The following AGBL4 variants were observed in gnomAD, a reference collection of about 807,000 sequenced individuals.
AGBL4 encodes cytosolic carboxypeptidase 6.
In AGBL4, 58 loss-of-function variants were observed where a neutral mutation model predicts 66.4. The ratio of observed to expected loss-of-function variants is 0.87; its 90% CI spans 0.71 to 1.09. The LOEUF (loss-of-function observed/expected upper bound fraction) is 1.09, where lower values mean the gene tolerates loss of function less well. Ranked by LOEUF, AGBL4 falls within the 50% of genes least tolerant of loss-of-function variation. The pLI is 0.00. For synonymous variants in AGBL4, 234 were observed against 222.9 expected, an observed-to-expected ratio of 1.05 and a Z score of -0.44; for missense variants, 579 against 631.0, an observed-to-expected ratio of 0.92 and a Z score of 0.88.
chr1:49,435,158 G>A (rs1645875214), intron 3 of AGBL4, among the ~76,000 whole-genome samples: 1 of 152,090 alleles, frequency 6.6e-6, no homozygotes, highest in Admixed American at 6.6e-5. Context: ...ATTTATTTGA[G>A]CATTCATTTA....
chr1:49,890,958 C>T (rs894934383), intron 1 of AGBL4, among the ~76,000 whole-genome samples: 1 of 152,052 alleles, frequency 6.6e-6, no homozygotes, highest in East Asian at 1.9e-4. Flanking sequence ...ATATAAATGA[C>T]AGGTAGTAAA....
At chr1:48,836,800 A>G (rs552816679) in intron 6 of AGBL4, among the ~76,000 whole-genome samples, 54 of 152,176 alleles carry the variant, frequency 3.5e-4, no homozygotes, top group African/African-American at 1.3e-3. Context: ...GGAGATAAGG[A>G]AATAAATGTC....
chr1:49,591,149 A>G (rs1464775890), intron 3 of AGBL4, among the ~76,000 whole-genome samples: 1 of 152,108 alleles, frequency 6.6e-6, no homozygotes, highest in Non-Finnish European at 1.5e-5. Context: ...AAGGTAAACA[A>G]TTGAGATTAG....
At chr1:50,011,640 A>G (rs1488769433) in intron 1 of AGBL4, among the ~76,000 whole-genome samples, 3 of 152,228 alleles carry the variant, frequency 2.0e-5, no homozygotes, top group Non-Finnish European at 4.4e-5. Flanking sequence ...CAAAGTGTCC[A>G]ACAACAGATG....
At chr1:49,563,448 T>A (rs1280173721) in intron 3 of AGBL4, among the ~76,000 whole-genome samples, 1 of 152,146 alleles carries the variant, frequency 6.6e-6, no homozygotes, top group East Asian at 1.9e-4. Context: ...TGTGGGTTTG[T>A]CACAGATAGC....
At chr1:49,643,683 A>G (rs1404767540) in intron 3 of AGBL4, among the ~76,000 whole-genome samples, 1 of 151,670 alleles carries the variant, frequency 6.6e-6, no homozygotes, top group Non-Finnish European at 1.5e-5. Context: ...CAGTATCTTT[A>G]AAATACTGAA....
At chr1:49,936,211 G>T (rs1653993050) in intron 1 of AGBL4, among the ~76,000 whole-genome samples, 1 of 152,200 alleles carries the variant, frequency 6.6e-6, no homozygotes, top group African/African-American at 2.4e-5. Flanking sequence ...AGGAGCCGAT[G>T]CGATCAACTG....
intron 5 of AGBL4, among the ~76,000 whole-genome samples, chr1:48,900,218 G>A (rs1352520315): frequency 6.6e-6 from 1 of 151,860 alleles, no homozygotes; most frequent in African/African-American, 2.4e-5. Flanking sequence ...AGGAGAGAAG[G>A]GTGCAGACCC....
At chr1:49,172,385 T>A (rs1340382860) in intron 4 of AGBL4, among the ~76,000 whole-genome samples, 2 of 152,026 alleles carry the variant, frequency 1.3e-5, no homozygotes, top group African/African-American at 4.8e-5. Flanking sequence ...CCAAAAAAAT[T>A]GGAAGTGGGA....
chr1:48,783,430 A>G (rs1645342460), intron 6 of AGBL4, among the ~76,000 whole-genome samples: 1 of 152,218 alleles, frequency 6.6e-6, no homozygotes, highest in African/African-American at 2.4e-5. Flanking sequence ...TTAAAGGCCA[A>G]TGAACATCAC....
At chr1:48,743,165 C>T (rs984908275) in intron 6 of AGBL4, among the ~76,000 whole-genome samples, 1 of 152,146 alleles carries the variant, frequency 6.6e-6, no homozygotes, top group South Asian at 2.1e-4. Flanking sequence ...CAGTATCTTA[C>T]AGTGGAGAAG....
intron 9 of AGBL4, among the ~76,000 whole-genome samples, chr1:48,596,050 A>C (rs999263817): frequency 6.6e-6 from 1 of 152,170 alleles, no homozygotes; most frequent in African/African-American, 2.4e-5. Context: ...CAGAGGAGGA[A>C]ATGGAAGCTC....
At chr1:49,110,924 C>A (rs1428145495) in intron 4 of AGBL4, among the ~76,000 whole-genome samples, 1 of 152,040 alleles carries the variant, frequency 6.6e-6, no homozygotes, top group Non-Finnish European at 1.5e-5. Context: ...ATGGAAATTT[C>A]CCAGGGTGTG....
At chr1:49,821,019 T>C (rs1645356161) in intron 2 of AGBL4, among the ~76,000 whole-genome samples, 1 of 152,208 alleles carries the variant, frequency 6.6e-6, no homozygotes, top group Non-Finnish European at 1.5e-5. Flanking sequence ...TTACAAATAT[T>C]AGCAATTATT....
At chr1:50,010,706 A>G (rs916754773) in intron 1 of AGBL4, among the ~76,000 whole-genome samples, 5 of 152,210 alleles carry the variant, frequency 3.3e-5, no homozygotes, top group Admixed American at 2.6e-4. Context: ...TGCCAAGAAC[A>G]TACACTGGGG....
At chr1:48,815,704 G>A (rs1379166080) in intron 6 of AGBL4, among the ~76,000 whole-genome samples, 1 of 152,148 alleles carries the variant, frequency 6.6e-6, no homozygotes, top group African/African-American at 2.4e-5. Flanking sequence ...ATAGCAGTTA[G>A]TAATATTTAT....
chr1:49,880,324 T>C (rs1647187215), intron 1 of AGBL4, among the ~76,000 whole-genome samples: 1 of 152,098 alleles, frequency 6.6e-6, no homozygotes, highest in East Asian at 1.9e-4. Context: ...GATGGTGATG[T>C]ACAGATGGGT....
chr1:49,929,179 C>A (rs1406827221), intron 1 of AGBL4, among the ~76,000 whole-genome samples: 1 of 151,816 alleles, frequency 6.6e-6, no homozygotes, highest in Non-Finnish European at 1.5e-5. Flanking sequence ...GGGAGGGGGG[C>A]AAAGATTGAA....
intron 4 of AGBL4, among the ~76,000 whole-genome samples, chr1:49,157,971 T>C (rs557585477): frequency 3.3e-5 from 5 of 152,210 alleles, no homozygotes; most frequent in Non-Finnish European, 7.3e-5. Context: ...TTGTAGATTC[T>C]GGATATTAGC....
Sources: gnomAD v4.1 joint callset for allele counts (sites outside exome capture counted in the v4.1 genomes callset) on GRCh38, gnomAD v4.1.1 for gene constraint, MANE v1.5 for transcripts, NCBI Gene and HGNC (gene_info 2026-07-23, HGNC 2026-07-21) for gene names.